The following WNK2 variants were observed in gnomAD, a reference collection of about 807,000 sequenced individuals.
The protein encoded by WNK2 is WNK lysine deficient protein kinase 2.
In WNK2, 67 loss-of-function variants were observed where a neutral mutation model predicts 192.1. The observed-to-expected ratio is 0.35, with a 90% CI of 0.29 to 0.43. The LOEUF (loss-of-function observed/expected upper bound fraction) is 0.43. Among genes scored for constraint, WNK2 ranks in the 20% least tolerant of loss-of-function variants. The pLI is 1.00. For missense variants in WNK2, 2,698 were observed against 3,089.7 expected (o/e 0.87, Z 3.01); for synonymous variants, 1,439 against 1,393.9 (o/e 1.03, Z -0.72).
intron 2 of WNK2, among the ~76,000 whole-genome samples, chr9:93,222,035 G>A (rs34085543): frequency 0.13 from 19,930 of 152,202 alleles, 1,401 homozygotes; most frequent in South Asian, 0.28. Context: ...TACCCCTGGG[G>A]CAGGCAGGCA....
chr9:93,228,984 G>C (rs1838280920), intron 2 of WNK2, among the ~76,000 whole-genome samples: 1 of 152,160 alleles, frequency 6.6e-6, no homozygotes, highest in Admixed American at 6.5e-5. Flanking sequence ...TGGTTCCCTT[G>C]TGGGATGGTG....
chr9:93,242,782 G>A (rs1294529644), intron 7 of WNK2, among the ~76,000 whole-genome samples: 1 of 152,188 alleles, frequency 6.6e-6, no homozygotes, highest in Non-Finnish European at 1.5e-5. Context: ...AAGGTCCTGG[G>A]GCAGCTGTGC....
intron 10 of WNK2, 104 bp downstream of exon 10, chr9:93,256,558 A>C: frequency 7.5e-7 from 1 of 1,332,174 alleles, no homozygotes; most frequent in South Asian, 1.6e-5. Flanking sequence ...CCCTTCGCTC[A>C]AATTCTCTGT....
intron 2 of WNK2, among the ~76,000 whole-genome samples, chr9:93,198,872 C>G (rs1168584670): frequency 6.6e-6 from 1 of 152,230 alleles, no homozygotes; most frequent in Non-Finnish European, 1.5e-5. Context: ...CCTGGCCTTG[C>G]TGCCCAAGAC....
intron 19 of WNK2, among the ~76,000 whole-genome samples, chr9:93,279,099 T>C (rs1326687879): frequency 6.6e-6 from 1 of 152,180 alleles, no homozygotes; most frequent in Non-Finnish European, 1.5e-5. Context: ...CCACCTCTCT[T>C]CCTCATTTTA....
rs769813555 is a variant in WNK2, at chr9:93,185,446, C to G, written c.517C>G (p.Pro173Ala). 4 of 1,612,268 alleles carry G rather than the reference C, an allele frequency of 2.5e-6. No homozygotes were observed. Among genetic ancestry groups the G allele is most frequent in the East Asian group, 4.5e-5 (2 of 44,836 alleles). ...GCCCGGGCGCACTCGCCGGGACGAGCCCGAAGAGGAGGAGGACGACGAGGA... is the reference window on the plus strand; with the variant it reads ...GCCCGGGCGCACTCGCCGGGACGAGGCCGAAGAGGAGGAGGACGACGAGGA... ...PEPGRTRRDEPEEEEDDEDDL... is the reference protein window; with the variant it reads ...PEPGRTRRDEAEEEEDDEDDL... Residue 173 changes from proline (P) to alanine (A), a missense_variant, in exon 2 of 30, where the codon CCC becomes GCC. Physicochemically the swap from Pro to Ala is conservative, Grantham distance 27. Coordinates refer to ENST00000427277, the MANE Select transcript of WNK2 (RefSeq NM_006648.4).
chr9:93,298,090 G>A (rs1250907992), intron 24 of WNK2, 23 bp downstream of exon 24: 1 of 1,547,152 alleles, frequency 6.5e-7, no homozygotes, highest in Admixed American at 2.0e-5. Context: ...GTGCAGGGCT[G>A]GGATGGGAGC....
At chr9:93,218,402 G>A (rs1836162940) in intron 2 of WNK2, among the ~76,000 whole-genome samples, 1 of 152,092 alleles carries the variant, frequency 6.6e-6, no homozygotes, top group Non-Finnish European at 1.5e-5. Flanking sequence ...ACATGATGTG[G>A]TCAGATGCAG....
At chr9:93,289,866 TG>T in intron 20 of WNK2, 111 bp from the exon 21 acceptor site, 2 of 1,132,550 alleles carry the variant, frequency 1.8e-6, no homozygotes, top group Non-Finnish European at 2.5e-6. Flanking sequence ...ACACAGGGGC[TG>T]GGGCAGCCCA....
chr9:93,210,201 C>T (rs757829974), intron 2 of WNK2, among the ~76,000 whole-genome samples: 5 of 151,340 alleles, frequency 3.3e-5, no homozygotes, highest in Non-Finnish European at 7.4e-5. Context: ...GTTCCCACCC[C>T]AGGGATGTGG....
chr9:93,184,598 TGG>T, intron 1 of WNK2, among the ~76,000 whole-genome samples: 1 of 152,188 alleles, frequency 6.6e-6, no homozygotes, highest in African/African-American at 2.4e-5. Context: ...GGGCCAGGGC[TGG>T]GCAGGGCGCG....
chr9:93,201,071 A>G (rs1322783331), intron 2 of WNK2, among the ~76,000 whole-genome samples: 3 of 152,160 alleles, frequency 2.0e-5, no homozygotes, highest in African/African-American at 7.2e-5. Flanking sequence ...GCCCCTCCCC[A>G]GTGAGGACCT....
In WNK2 at chr9:93,257,287, G is replaced by A; in HGVS notation, c.2382+148G>A. The A allele has an allele frequency of 1.2e-6, 1 of 822,652 alleles. No individual in the cohort carries two copies. The highest frequency in any genetic ancestry group is 2.8e-5 in the East Asian group (1 of 35,664). 51.0% of individuals were successfully genotyped at this position (822,652 alleles called of 1,614,324 possible). A position where few individuals can be genotyped will look rare whatever the true frequency, so the allele number is the denominator to read the frequency against. The stretch of plus-strand genomic sequence containing the variant: ...GGCCAGGGAGTTGGGGCTGGGCTGG[G>A]GAGTCCGGGCTGGGCAGTGTGCACA... On this transcript the variant is annotated intron_variant, in intron 11 of 29. Transcript: ENST00000427277. This position sits in a 1 kb window ranked among gnomAD's most constrained non-coding sequence, Gnocchi z 4.7.
intron 6 of WNK2, among the ~76,000 whole-genome samples, 167 bp downstream of exon 6, chr9:93,238,488 C>T (rs1026906413): frequency 6.6e-6 from 1 of 152,222 alleles, no homozygotes; most frequent in Non-Finnish European, 1.5e-5. Flanking sequence ...GCCCTGAGTG[C>T]GTGTGGGTGA....
intron 26 of WNK2, 95 bp downstream of exon 26, chr9:93,300,244 A>C: frequency 1.0e-6 from 1 of 963,684 alleles, no homozygotes; most frequent in Non-Finnish European, 1.6e-6. Context: ...TACATTTCAT[A>C]GGATGCCTCC....
At chr9:93,292,187 T>G in intron 21 of WNK2, 121 bp from the exon 22 acceptor site, 2 of 983,904 alleles carry the variant, frequency 2.0e-6, no homozygotes, top group Non-Finnish European at 3.2e-6. Flanking sequence ...CCCACTTCCA[T>G]TGTCCTGCCT....
At position 93,319,371 on chromosome 9, in the gene WNK2, C is replaced by T. The variant is rs149476600; in HGVS notation, c.6629-996C>T. On this transcript the variant is annotated intron_variant, in intron 29 of 29. Coordinates refer to ENST00000427277, the MANE Select transcript of WNK2 (RefSeq NM_006648.4). ...TGCGGGTGCTGGGCTGGGCTGTCCC[C>T]GGCAGGGGTCTGAGAGCAGGGCATC... The T allele has an allele frequency of 3.9e-4, 382 of 985,456 alleles. 2 individuals carry two copies. The highest frequency in any genetic ancestry group is 1.0e-3 in the Middle Eastern group (2 of 1,914). The allele number at this position is 985,456 out of a possible 1,614,324, so 61.0% of individuals were successfully genotyped here. A position where few individuals can be genotyped will look rare whatever the true frequency, so the allele number is the denominator to read the frequency against.
intron 18 of WNK2, 40 bp downstream of exon 18, chr9:93,268,105 T>C: frequency 1.3e-6 from 2 of 1,580,182 alleles, no homozygotes; most frequent in Non-Finnish European, 8.6e-7. Context: ...AAGCAGGCGT[T>C]TGATGAAAGT....
At chr9:93,318,321 G>T in intron 29 of WNK2, 1 of 1,547,938 alleles carries the variant, frequency 6.5e-7, no homozygotes, top group Non-Finnish European at 8.7e-7. Context: ...CATTGAATTA[G>T]CTACCTTAAG....
Sources: allele counts gnomAD v4.1 joint callset (sites outside exome capture counted in the v4.1 genomes callset), GRCh38; gene constraint gnomAD v4.1.1; non-coding constraint Gnocchi (gnomAD v3.1); transcripts MANE v1.5; gene names NCBI Gene and HGNC (gene_info 2026-07-23, HGNC 2026-07-21).